Variants in ZMIZ1 observed in about 807,000 individuals in gnomAD.
The protein encoded by ZMIZ1 is zinc finger MIZ domain-containing protein 1.
In ZMIZ1, 17 loss-of-function variants were observed where a neutral mutation model predicts 113.9. That is an observed-to-expected ratio of 0.15 (90% CI 0.10 to 0.22). The LOEUF is 0.22. Ranked by LOEUF, ZMIZ1 falls within the 10% of genes least tolerant of loss-of-function variation. The pLI, the probability that ZMIZ1 is intolerant of heterozygous loss-of-function variation, is 1.00. For missense variants in ZMIZ1, 1,059 were observed against 1,477.8 expected, an observed-to-expected ratio of 0.72 and a Z score of 4.65; for synonymous variants, 607 against 603.1, an observed-to-expected ratio of 1.01 and a Z score of -0.09.
intron 8 of ZMIZ1, among the ~76,000 whole-genome samples, chr10:79,280,714 C>T (rs1852678537): frequency 6.6e-6 from 1 of 150,380 alleles, no homozygotes. Context: ...CTGCCCTCTT[C>T]CCCTAAGCAT....
chr10:79,177,330 T>G (rs772175382), intron 4 of ZMIZ1, among the ~76,000 whole-genome samples: 18 of 152,198 alleles, frequency 1.2e-4, no homozygotes, highest in Non-Finnish European at 2.5e-4. Context: ...CTGGAGCTGT[T>G]CAGGCCAGGC....
intron 10 of ZMIZ1, 49 bp from the exon 11 acceptor site, chr10:79,292,109 C>T (rs370169673): frequency 8.4e-5 from 130 of 1,543,030 alleles, no homozygotes; most frequent in Non-Finnish European, 1.1e-4. Context: ...CCCTCAGTTC[C>T]CCTCAGATGC....
Position 79,207,676 on chromosome 10 carries a change from G to T in ZMIZ1, c.61-660G>T, listed in dbSNP as rs1439413801. 3.3e-5 allele frequency among the ~76,000 whole-genome samples: 5 copies of T among 152,318 alleles called. No homozygotes were observed. The South Asian group carries it at 8.3e-4, about 25-fold the overall frequency. Reference sequence around the variant, plus strand: ...AGCAGCCTCTGAGCGGACCCAGGCAGGGCCCAGTACGTCACACACAGCAGC... The same window carrying T: ...AGCAGCCTCTGAGCGGACCCAGGCATGGCCCAGTACGTCACACACAGCAGC... On this transcript the variant is annotated intron_variant, in intron 5 of 24. Transcript: ENST00000334512.
chr10:79,272,143 A>T (rs556234007), intron 7 of ZMIZ1, among the ~76,000 whole-genome samples: 1 of 152,124 alleles, frequency 6.6e-6, no homozygotes, highest in African/African-American at 2.4e-5. Flanking sequence ...AAAATTAGCC[A>T]GGCGTGATGG....
intron 4 of ZMIZ1, among the ~76,000 whole-genome samples, chr10:79,197,259 C>T (rs1398427509): frequency 1.3e-5 from 2 of 152,136 alleles, no homozygotes; most frequent in Non-Finnish European, 2.9e-5. Context: ...TACCAGTGTT[C>T]ACCCATGCCC....
chr10:79,284,078 C>G (rs377577530), intron 8 of ZMIZ1, among the ~76,000 whole-genome samples: 3 of 152,222 alleles, frequency 2.0e-5, no homozygotes, highest in Admixed American at 2.0e-4. Context: ...GCCCTCCCCC[C>G]GCGTTCCTTT....
At chr10:79,117,409 T>G (rs1303761617) in intron 1 of ZMIZ1, among the ~76,000 whole-genome samples, 1 of 152,250 alleles carries the variant, frequency 6.6e-6, no homozygotes, top group Non-Finnish European at 1.5e-5. Context: ...CCTGGCTTTT[T>G]GAGTCAACAT....
intron 11 of ZMIZ1, 43 bp downstream of exon 11, chr10:79,292,399 C>CCAGG: frequency 3.2e-6 from 5 of 1,581,418 alleles, no homozygotes; most frequent in Non-Finnish European, 4.3e-6. Context: ...GCCCAGCCAG[C>CCAGG]CAGGCAGACA....
In ZMIZ1 at chr10:79,316,012, T is replaced by C. The variant is rs1855513603; in HGVS notation, c.*3263T>C. The C allele has an allele frequency of 6.5e-6, 1 of 152,796 alleles. No individual in the cohort carries two copies. 9.5% of individuals were successfully genotyped at this position (152,796 alleles called of 1,614,324 possible). A position where few individuals can be genotyped will look rare whatever the true frequency, so the allele number is the denominator to read the frequency against. On this transcript the variant is annotated 3_prime_UTR_variant, in exon 25 of 25. Transcript: ENST00000334512. ...TTGTTCTGTTTTTATTTTACCTACATGTACTATTTAGCTTCAGTGTACTAG... is the reference window on the plus strand; with the variant it reads ...TTGTTCTGTTTTTATTTTACCTACACGTACTATTTAGCTTCAGTGTACTAG...
Position 79,123,681 on chromosome 10 carries a change from C to A in ZMIZ1, c.-227+4657C>A, listed in dbSNP as rs189964308. 6.6e-5 allele frequency among the ~76,000 whole-genome samples: 10 copies of A among 152,336 alleles called. No individual in the cohort carries two copies. In the East Asian group the frequency reaches 1.9e-3, roughly 29 times the overall value. ...TGTTGCTCAGAGCTCTGTGGGCAGC[C>A]ACCTGGGGTGAGGGCTGCACTCTCC... On this transcript the variant is annotated intron_variant, in intron 2 of 24. Transcript: ENST00000334512.
At chr10:79,197,949 C>G (rs538021082) in intron 4 of ZMIZ1, among the ~76,000 whole-genome samples, 1 of 152,074 alleles carries the variant, frequency 6.6e-6, no homozygotes, top group Non-Finnish European at 1.5e-5. Flanking sequence ...CCTAGGACCC[C>G]GCACAGTGTC....
intron 6 of ZMIZ1, 24 bp from the exon 7 acceptor site, chr10:79,216,145 G>C (rs1433158645): frequency 4.1e-6 from 6 of 1,461,908 alleles, no homozygotes; most frequent in Non-Finnish European, 4.6e-6. Context: ...TGACTCACCT[G>C]CCCTCCTCCC....
chr10:79,093,631 T>C (rs1424501505), intron 1 of ZMIZ1, among the ~76,000 whole-genome samples: 1 of 152,114 alleles, frequency 6.6e-6, no homozygotes, highest in African/African-American at 2.4e-5. Flanking sequence ...CTGGCCTGTA[T>C]CCCAGTTTTA....
Position 79,312,894 on chromosome 10 carries a change from C to G in ZMIZ1, c.*145C>G. On this transcript the variant is annotated 3_prime_UTR_variant, in exon 25 of 25. Coordinates refer to ENST00000334512, the MANE Select transcript of ZMIZ1 (RefSeq NM_020338.4). ...GGCGGGGAGCCCTCCCCCGCTGCAG[C>G]CCTCTCAGAACAGAGGGGTAGGGAG... 1 of 706,958 alleles carries G rather than the reference C, an allele frequency of 1.4e-6. No homozygotes were observed. The highest frequency in any genetic ancestry group is 2.3e-6 in the Non-Finnish European group (1 of 426,240). The allele number at this position is 706,958 out of a possible 1,614,324, so 43.8% of individuals were successfully genotyped here.
chr10:79,288,290 G>A (rs1853220738), intron 8 of ZMIZ1, among the ~76,000 whole-genome samples: 1 of 152,194 alleles, frequency 6.6e-6, no homozygotes, highest in Admixed American at 6.5e-5. Context: ...CCTCACCTCT[G>A]GGCTGGGCTC....
At position 79,312,819 on chromosome 10, in the gene ZMIZ1, C is replaced by A; in HGVS notation, c.*70C>A. On this transcript the variant is annotated 3_prime_UTR_variant, in exon 25 of 25. Coordinates refer to ENST00000334512, the MANE Select transcript of ZMIZ1 (RefSeq NM_020338.4). ...CCACCTACCCAACACACTTTTCCAC[C>A]TGGGAGCCTGTGCCCTCAGACCGCC... The A allele has an allele frequency of 6.7e-7, 1 of 1,500,758 alleles. No individual in the cohort carries two copies. The highest frequency in any genetic ancestry group is 9.2e-7 in the Non-Finnish European group (1 of 1,082,176). 93.0% of individuals were successfully genotyped at this position (1,500,758 alleles called of 1,614,324 possible). A position where few individuals can be genotyped will look rare whatever the true frequency, so the allele number is the denominator to read the frequency against.
At chr10:79,107,558 C>T (rs1843605714) in intron 1 of ZMIZ1, among the ~76,000 whole-genome samples, 2 of 152,162 alleles carry the variant, frequency 1.3e-5, no homozygotes, top group Admixed American at 1.3e-4. Flanking sequence ...CACGAAAGAG[C>T]GTTCAAGTGG....
chr10:79,112,479 AC>A (rs1232081336), intron 1 of ZMIZ1, among the ~76,000 whole-genome samples: 1 of 152,062 alleles, frequency 6.6e-6, no homozygotes, highest in African/African-American at 2.4e-5. Flanking sequence ...GGCTTCAGGA[AC>A]CCCATGTTCC....
chr10:79,239,326 A>G (rs888216724), intron 7 of ZMIZ1, among the ~76,000 whole-genome samples: 2 of 148,340 alleles, frequency 1.3e-5, no homozygotes, highest in Non-Finnish European at 3.0e-5. Flanking sequence ...TGCCCACTCT[A>G]TGCTCTACAC....
Sources: gnomAD v4.1 joint callset for allele counts (sites outside exome capture counted in the v4.1 genomes callset) on GRCh38, gnomAD v4.1.1 for gene constraint, MANE v1.5 for transcripts, NCBI Gene and HGNC (gene_info 2026-07-23, HGNC 2026-07-21) for gene names.